Variants in SRPK2 observed in about 807,000 individuals in gnomAD.
SRPK2 encodes SFRS protein kinase 2.
A neutral mutation model predicts 90.8 loss-of-function variants in SRPK2; 21 were observed. That is an observed-to-expected ratio of 0.23 (90% CI 0.16 to 0.33). The LOEUF is 0.33. SRPK2 is among the 10% of genes least tolerant of loss of function. The pLI, the probability that SRPK2 is intolerant of heterozygous loss-of-function variation, is 1.00. For synonymous variants in SRPK2, 288 were observed against 311.1 expected, an observed-to-expected ratio of 0.93 and a Z score of 0.78; for missense variants, 620 against 869.0, an observed-to-expected ratio of 0.71 and a Z score of 3.60.
chr7:105,165,802 G>A (rs756570915), intron 6 of SRPK2, among the ~76,000 whole-genome samples: 8 of 152,194 alleles, frequency 5.3e-5, no homozygotes, highest in Non-Finnish European at 1.2e-4. Flanking sequence ...TGCTGTGGAA[G>A]CTTTGTTCTT....
intron 2 of SRPK2, among the ~76,000 whole-genome samples, chr7:105,233,397 C>T (rs548386074): frequency 3.0e-4 from 45 of 152,216 alleles, no homozygotes; most frequent in Non-Finnish European, 6.0e-4. Flanking sequence ...CAAACAAGAA[C>T]CCAGCAGACC....
chr7:105,342,328 TTAATAA>T (rs1262534509), intron 2 of SRPK2, among the ~76,000 whole-genome samples: 1 of 148,216 alleles, frequency 6.7e-6, no homozygotes, highest in Non-Finnish European at 1.5e-5. Context: ...CCGTCTCAAA[TTAATAA>T]TAATAATAAT....
intron 2 of SRPK2, among the ~76,000 whole-genome samples, chr7:105,365,074 C>T (rs1430433057): frequency 6.6e-6 from 1 of 152,104 alleles, no homozygotes; most frequent in African/African-American, 2.4e-5. Context: ...TAGAGTTAGC[C>T]CATCCCTTCC....
rs767556890 is a variant in SRPK2, at chr7:105,253,228, T to C, written c.72-49443A>G. On this transcript the variant is annotated intron_variant, in intron 2 of 15. Transcript: ENST00000393651. ...GAATTCATCCACTCTCTGTCACTCA[T>C]TGTAAATGCTGCCATAATATTCCCA... Among the ~76,000 whole-genome samples, 187 of 152,316 alleles carry C rather than the reference T, an allele frequency of 1.2e-3. 1 individual carries two copies. The highest frequency in any genetic ancestry group is 2.0e-3 in the Non-Finnish European group (136 of 68,018).
chr7:105,281,764 A>C (rs1350609998), intron 2 of SRPK2, among the ~76,000 whole-genome samples: 1 of 152,212 alleles, frequency 6.6e-6, no homozygotes, highest in African/African-American at 2.4e-5. Flanking sequence ...AAGGAAGTAC[A>C]AGGCTTGTAC....
chr7:105,153,248 G>A lies in SRPK2; in HGVS notation c.622-6590C>T, dbSNP rs141197818. 1.9e-3 allele frequency among the ~76,000 whole-genome samples: 284 copies of A among 152,266 alleles called. 2 individuals are homozygous for A. Among genetic ancestry groups the A allele is most frequent in the African/African-American group, 6.3e-3 (260 of 41,560 alleles). The stretch of plus-strand genomic sequence containing the variant: ...TTGAGTTCAGCAGCAGTGCGGAAAA[G>A]AAGGCTAAGTCTAGGGCTGGGAGCT... On this transcript the variant is annotated intron_variant, in intron 7 of 15. Coordinates refer to ENST00000393651, the MANE Select transcript of SRPK2 (RefSeq NM_182692.3).
chr7:105,250,266 C>T (rs1041609932), intron 2 of SRPK2, among the ~76,000 whole-genome samples: 13 of 151,930 alleles, frequency 8.6e-5, no homozygotes, highest in Non-Finnish European at 1.3e-4. Flanking sequence ...ACCCAGGAGG[C>T]GGAGGGGAGG....
chr7:105,383,311 C>T (rs1277208761), intron 2 of SRPK2, among the ~76,000 whole-genome samples: 1 of 151,488 alleles, frequency 6.6e-6, no homozygotes, highest in Non-Finnish European at 1.5e-5. Flanking sequence ...TCGTGATCTG[C>T]CCACCTCAGC....
chr7:105,363,803 G>C (rs1366729862), intron 2 of SRPK2, among the ~76,000 whole-genome samples: 3 of 152,202 alleles, frequency 2.0e-5, no homozygotes, highest in Non-Finnish European at 4.4e-5. Flanking sequence ...ATCAATGATA[G>C]AGTGGATTAA....
At chr7:105,301,554 A>C in intron 2 of SRPK2, 1 of 1,570,608 alleles carries the variant, frequency 6.4e-7, no homozygotes. Flanking sequence ...TGGAACTAGA[A>C]GCATTACGCT....
chr7:105,382,063 G>T (rs1821008747), intron 2 of SRPK2, among the ~76,000 whole-genome samples: 2 of 152,040 alleles, frequency 1.3e-5, no homozygotes, highest in South Asian at 4.1e-4. Flanking sequence ...AGCTACTTGG[G>T]AGGCTGAGCC....
At chr7:105,139,908 G>T (rs1803451959) in intron 11 of SRPK2, among the ~76,000 whole-genome samples, 1 of 151,924 alleles carries the variant, frequency 6.6e-6, no homozygotes, top group African/African-American at 2.4e-5. Flanking sequence ...GTGCCTCTCG[G>T]TGTCTGCAGG....
rs1804880830 is a variant in SRPK2, at chr7:105,147,776, A to C, written c.622-1118T>G. Among the ~76,000 whole-genome samples the C allele has an allele frequency of 2.6e-5, 4 of 152,172 alleles. 1 individual carries two copies. In the East Asian group the frequency reaches 7.7e-4, roughly 29 times the overall value. On this transcript the variant is annotated intron_variant, in intron 7 of 15. Coordinates refer to ENST00000393651, the MANE Select transcript of SRPK2 (RefSeq NM_182692.3). ...CATTTCCTATAAATGGAATCATATA[A>C]AGTATTTTTTTGTAACTGGCATAAT... is the stretch of plus-strand genomic sequence containing the variant.
intron 2 of SRPK2, chr7:105,306,232 G>A (rs899056104): frequency 5.5e-5 from 10 of 180,390 alleles, no homozygotes; most frequent in African/African-American, 1.4e-4. Flanking sequence ...TTTCAGTATT[G>A]TCATTTTCCA....
At chr7:105,377,418 C>T (rs1479944372) in intron 2 of SRPK2, among the ~76,000 whole-genome samples, 2 of 152,042 alleles carry the variant, frequency 1.3e-5, no homozygotes, top group African/African-American at 4.8e-5. Flanking sequence ...CCAGGCTGGG[C>T]GCGGTGGCTC....
At chr7:105,179,048 G>T (rs1163299440) in intron 3 of SRPK2, among the ~76,000 whole-genome samples, 1 of 152,002 alleles carries the variant, frequency 6.6e-6, no homozygotes, top group African/African-American at 2.4e-5. Context: ...AATATAAATG[G>T]ATTCAGAAAC....
chr7:105,291,028 G>A (rs1199738756), intron 2 of SRPK2, among the ~76,000 whole-genome samples: 2 of 126,094 alleles, frequency 1.6e-5, no homozygotes, highest in Admixed American at 9.2e-5. Flanking sequence ...CTGGGCGACA[G>A]AGCGAGACTC....
At position 105,274,030 on chromosome 7, in the gene SRPK2, A is replaced by C. The variant is rs976828548; in HGVS notation, c.72-70245T>G. On this transcript the variant is annotated intron_variant, in intron 2 of 15. Coordinates refer to ENST00000393651, the MANE Select transcript of SRPK2 (RefSeq NM_182692.3). Reference sequence around the variant, plus strand: ...GATACTGGAGGCAATCACATTCTTCATCTTCTCCAGAAGATTACTGTTGCT... The same window carrying C: ...GATACTGGAGGCAATCACATTCTTCCTCTTCTCCAGAAGATTACTGTTGCT... Among the ~76,000 whole-genome samples, 13 of 152,204 alleles carry C rather than the reference A, an allele frequency of 8.5e-5. No individual in the cohort carries two copies. In the East Asian group the frequency reaches 2.1e-3, roughly 25 times the overall value.
At chr7:105,131,675 A>G (rs1802025662) in intron 13 of SRPK2, among the ~76,000 whole-genome samples, 1 of 152,218 alleles carries the variant, frequency 6.6e-6, no homozygotes, top group African/African-American at 2.4e-5. Flanking sequence ...TGAGCATTAG[A>G]GGAGGTAAAA....
Sources: allele counts gnomAD v4.1 joint callset (sites outside exome capture counted in the v4.1 genomes callset), GRCh38; gene constraint gnomAD v4.1.1; transcripts MANE v1.5; gene names NCBI Gene and HGNC (gene_info 2026-07-23, HGNC 2026-07-21).